Variants in DLGAP2 observed in about 807,000 individuals in gnomAD.
DLGAP2 encodes DLG associated protein 2.
A neutral mutation model predicts 100.3 loss-of-function variants in DLGAP2; 26 were observed. The ratio of observed to expected loss-of-function variants is 0.26; its 90% CI spans 0.19 to 0.36. DLGAP2 has a LOEUF of 0.36. Among genes scored for constraint, DLGAP2 ranks in the 10% least tolerant of loss-of-function variants. DLGAP2 has a pLI of 1.00. For synonymous variants in DLGAP2, 886 were observed against 630.1 expected (o/e 1.41, Z -6.08); for missense variants, 1,858 against 1,453.2 (o/e 1.28, Z -4.53).
At chr8:893,977 C>T (rs892928812) in intron 1 of DLGAP2, among the ~76,000 whole-genome samples, 1 of 152,228 alleles carries the variant, frequency 6.6e-6, no homozygotes, top group Non-Finnish European at 1.5e-5. Flanking sequence ...GGCTGTCGGC[C>T]CGAGGCTTCG....
At chr8:914,939 C>T (rs1798559616) in intron 2 of DLGAP2, among the ~76,000 whole-genome samples, 1 of 152,126 alleles carries the variant, frequency 6.6e-6, no homozygotes, top group African/African-American at 2.4e-5. Context: ...GAGGATTCAT[C>T]CTTGGGGGTG....
chr8:1,428,714 G>T (rs1797310596), intron 3 of DLGAP2, among the ~76,000 whole-genome samples: 1 of 152,222 alleles, frequency 6.6e-6, no homozygotes, highest in Non-Finnish European at 1.5e-5. Context: ...GGAATGCAAG[G>T]ATGGCTCAGT....
chr8:745,555 G>GT (rs1376944698), intron 1 of DLGAP2, among the ~76,000 whole-genome samples: 1 of 152,138 alleles, frequency 6.6e-6, no homozygotes, highest in Non-Finnish European at 1.5e-5. Context: ...TTCTTTACAT[G>GT]TAACTATCCC....
chr8:1,170,048 A>G (rs1255777107), intron 2 of DLGAP2, among the ~76,000 whole-genome samples: 2 of 151,934 alleles, frequency 1.3e-5, no homozygotes, highest in Non-Finnish European at 2.9e-5. Context: ...TTATTTTGAG[A>G]TACGTCCCAT....
chr8:1,193,708 C>G (rs1032909195), intron 2 of DLGAP2, among the ~76,000 whole-genome samples: 2 of 152,146 alleles, frequency 1.3e-5, no homozygotes, highest in African/African-American at 4.8e-5. Context: ...CTGGCCCTCT[C>G]TGCACCTGAG....
At chr8:872,865 C>T (rs533346476) in intron 1 of DLGAP2, among the ~76,000 whole-genome samples, 2 of 152,248 alleles carry the variant, frequency 1.3e-5, no homozygotes, top group African/African-American at 4.8e-5. Context: ...TCCTCAATAT[C>T]CAGGGTGGGG....
intron 2 of DLGAP2, among the ~76,000 whole-genome samples, chr8:1,106,819 C>G (rs1395245117): frequency 6.6e-6 from 1 of 152,124 alleles, no homozygotes; most frequent in Non-Finnish European, 1.5e-5. Context: ...GTGCTTGTCA[C>G]TTACTTGTGA....
intron 2 of DLGAP2, among the ~76,000 whole-genome samples, chr8:1,090,734 C>T (rs1438228702): frequency 6.6e-6 from 1 of 152,142 alleles, no homozygotes; most frequent in African/African-American, 2.4e-5. Flanking sequence ...TTTTCTGTTT[C>T]CAAGTTTTTA....
rs988356554 is a variant in DLGAP2 at position 774,922 on chromosome 8, C to T, written c.18+37097C>T. Among the ~76,000 whole-genome samples, 71 of 149,414 alleles carry T rather than the reference C, an allele frequency of 4.8e-4. No homozygotes were observed. The East Asian group carries it at 0.014, about 29-fold the overall frequency. The stretch of plus-strand genomic sequence containing the variant: ...TAGCTTGATGGGGATGGCATTGAAT[C>T]TGTAAATTACCTTGGGCAGTATGGC... On this transcript the variant is annotated intron_variant, in intron 1 of 14. Transcript: ENST00000637795.
At chr8:882,817 G>T (rs1033999500) in intron 1 of DLGAP2, among the ~76,000 whole-genome samples, 2 of 152,186 alleles carry the variant, frequency 1.3e-5, no homozygotes, top group East Asian at 3.9e-4. Flanking sequence ...TCTCTCCCTG[G>T]CGTCAGCAGC....
chr8:1,155,603 A>C (rs1170530880), intron 2 of DLGAP2, among the ~76,000 whole-genome samples: 1 of 151,948 alleles, frequency 6.6e-6, no homozygotes, highest in African/African-American at 2.4e-5. Context: ...CCCAGCTCTC[A>C]CCACATCTGG....
At chr8:855,711 T>C (rs1030332341) in intron 1 of DLGAP2, among the ~76,000 whole-genome samples, 1 of 152,116 alleles carries the variant, frequency 6.6e-6, no homozygotes, top group African/African-American at 2.4e-5. Context: ...ACAAAACAGG[T>C]TGAAGCTTTA....
At chr8:1,328,439 C>T (rs1046559003) in intron 3 of DLGAP2, among the ~76,000 whole-genome samples, 2 of 152,184 alleles carry the variant, frequency 1.3e-5, no homozygotes, top group African/African-American at 4.8e-5. Flanking sequence ...CTGCCTCAGC[C>T]TCCCGAGTAG....
Position 916,444 on chromosome 8 carries a change from C to T in DLGAP2, c.73+8478C>T, listed in dbSNP as rs965486605. On this transcript the variant is annotated intron_variant, in intron 2 of 14. Transcript: ENST00000637795. ...TGCAAGGACAAAAAACCAAACACCA[C>T]ATGTTCTCACTGATAAGTGGGAATT... 2.9e-4 allele frequency among the ~76,000 whole-genome samples: 44 copies of T among 152,306 alleles called. 1 individual carries two copies. The highest frequency in any genetic ancestry group is 2.0e-4 in the Admixed American group (3 of 15,306).
chr8:1,201,302 G>C (rs1797867298), intron 2 of DLGAP2, among the ~76,000 whole-genome samples: 1 of 152,220 alleles, frequency 6.6e-6, no homozygotes, highest in Admixed American at 6.5e-5. Context: ...CCGCGCAGGT[G>C]TGAGGCCCTC....
chr8:1,545,400 A>G (rs576862668), intron 4 of DLGAP2, among the ~76,000 whole-genome samples: 1 of 152,338 alleles, frequency 6.6e-6, no homozygotes, highest in South Asian at 2.1e-4. Context: ...ACGTGCATTT[A>G]CATTCTATTC....
At chr8:1,269,106 C>T (rs776003826) in intron 3 of DLGAP2, among the ~76,000 whole-genome samples, 1 of 152,214 alleles carries the variant, frequency 6.6e-6, no homozygotes, top group Non-Finnish European at 1.5e-5. Flanking sequence ...TCCTAAGCAA[C>T]TGTACATTGG....
At chr8:1,068,532 A>G (rs1405602332) in intron 2 of DLGAP2, among the ~76,000 whole-genome samples, 1 of 151,906 alleles carries the variant, frequency 6.6e-6, no homozygotes, top group Non-Finnish European at 1.5e-5. Context: ...GGTGGGGACT[A>G]AGGCTGTCCC....
chr8:1,043,710 A>G (rs1443586032), intron 2 of DLGAP2, among the ~76,000 whole-genome samples: 1 of 151,944 alleles, frequency 6.6e-6, no homozygotes, highest in African/African-American at 2.4e-5. Context: ...GAAGGGAAGG[A>G]AGTGTTCTGG....
Sources: gnomAD v4.1 joint callset for allele counts (sites outside exome capture counted in the v4.1 genomes callset) on GRCh38, gnomAD v4.1.1 for gene constraint, MANE v1.5 for transcripts, NCBI Gene and HGNC (gene_info 2026-07-23, HGNC 2026-07-21) for gene names.